EEFSEC: variants seen among roughly 807,000 people sequenced by gnomAD.
The protein encoded by EEFSEC is selenocysteine-specific elongation factor.
In EEFSEC, 43 loss-of-function variants were observed where a neutral mutation model predicts 42.1. The observed-to-expected ratio is 1.02, with a 90% CI of 0.80 to 1.32. The LOEUF (loss-of-function observed/expected upper bound fraction) is 1.32. Ranked by LOEUF, EEFSEC falls within the 40% of genes most tolerant of loss-of-function variation. EEFSEC has a pLI of 0.00. For missense variants in EEFSEC, 745 were observed against 803.6 expected, an observed-to-expected ratio of 0.93 and a Z score of 0.88; for synonymous variants, 354 against 339.1, an observed-to-expected ratio of 1.04 and a Z score of -0.48.
At position 128,408,170 on chromosome 3, in the gene EEFSEC, C is replaced by T. The variant is rs1301762995; in HGVS notation, c.1702C>T (p.Arg568Trp). ...EATRQEESAERSEPSQHVVLS... is the reference protein window; with the variant it reads ...EATRQEESAEWSEPSQHVVLS... ...CACCAGGCAGGAGGAGAGCGCCGAG[C>T]GGAGCGAGCCCTCACAGCATGTGGT... is the stretch of plus-strand genomic sequence containing the variant. The change falls in exon 7 of 7, where the codon CGG becomes TGG. Residue 568 changes from arginine (R) to tryptophan (W), a missense_variant. Physicochemically the swap from Arg to Trp is moderately radical, Grantham distance 101. Transcript: ENST00000254730. 3 of 1,612,770 alleles carry T rather than the reference C, an allele frequency of 1.9e-6. No homozygotes were observed. The highest frequency in any genetic ancestry group is 2.5e-6 in the Non-Finnish European group (3 of 1,179,398).
chr3:128,420,796 T>C, the EEFSEC span, among the ~76,000 whole-genome samples: 2 of 152,002 alleles, frequency 1.3e-5, no homozygotes, highest in African/African-American at 4.8e-5. Context: ...CTCCCTGAGC[T>C]GGGAAATACA....
intron 1 of EEFSEC, among the ~76,000 whole-genome samples, chr3:128,181,799 TTTTC>T (rs1377191543): frequency 6.6e-6 from 1 of 152,142 alleles, no homozygotes; most frequent in Non-Finnish European, 1.5e-5. Flanking sequence ...TTGTTTTTGT[TTTTC>T]TTTGTTTCTT....
At chr3:128,261,625 A>G (rs568641837) in intron 2 of EEFSEC, among the ~76,000 whole-genome samples, 2 of 150,312 alleles carry the variant, frequency 1.3e-5, no homozygotes, top group Non-Finnish European at 2.9e-5. Flanking sequence ...CACACAGAAT[A>G]AGTATGTCTT....
chr3:128,236,916 A>C (rs953947718), intron 1 of EEFSEC, among the ~76,000 whole-genome samples: 3 of 152,194 alleles, frequency 2.0e-5, no homozygotes, highest in African/African-American at 7.2e-5. Context: ...CTGTGTTTTA[A>C]TGTTTGCTTT....
chr3:128,346,370 CTTA>C (rs2067312284), intron 5 of EEFSEC, among the ~76,000 whole-genome samples: 1 of 152,210 alleles, frequency 6.6e-6, no homozygotes, highest in African/African-American at 2.4e-5. Context: ...TGGTTGCAGC[CTTA>C]TTCTTATTTT....
intron 4 of EEFSEC, among the ~76,000 whole-genome samples, chr3:128,276,874 G>A (rs575636624): frequency 6.6e-6 from 1 of 152,304 alleles, no homozygotes; most frequent in South Asian, 2.1e-4. Context: ...AAGAGTGTGG[G>A]AATGCTGGGC....
intron 4 of EEFSEC, among the ~76,000 whole-genome samples, chr3:128,280,293 T>C (rs1000109492): frequency 6.6e-6 from 1 of 152,184 alleles, no homozygotes; most frequent in African/African-American, 2.4e-5. Flanking sequence ...GTCTATTTAA[T>C]TGGTGTTTAA....
At chr3:128,316,436 C>G (rs920120697) in intron 4 of EEFSEC, among the ~76,000 whole-genome samples, 6 of 152,318 alleles carry the variant, frequency 3.9e-5, no homozygotes, top group Non-Finnish European at 7.4e-5. Context: ...CCGCTCTCCC[C>G]CTCTCTTCAC....
intron 4 of EEFSEC, among the ~76,000 whole-genome samples, chr3:128,291,740 T>C (rs2066646204): frequency 6.6e-6 from 1 of 152,246 alleles, no homozygotes; most frequent in Admixed American, 6.5e-5. Flanking sequence ...AGTTATGATA[T>C]CTGGAAATAA....
intron 2 of EEFSEC, among the ~76,000 whole-genome samples, chr3:128,257,841 C>A (rs371734676): frequency 2.0e-5 from 3 of 152,178 alleles, no homozygotes; most frequent in Admixed American, 2.0e-4. Context: ...GCTGTCCCCC[C>A]CCAGCATGGA....
intron 6 of EEFSEC, among the ~76,000 whole-genome samples, chr3:128,403,788 A>G (rs1051050781): frequency 7.2e-5 from 11 of 152,100 alleles, no homozygotes; most frequent in African/African-American, 2.7e-4. Context: ...TGGGTCCAGC[A>G]TTCCTCCTCC....
intron 4 of EEFSEC, among the ~76,000 whole-genome samples, chr3:128,288,099 A>T (rs374532407): frequency 1.2e-4 from 19 of 152,132 alleles, no homozygotes; most frequent in African/African-American, 4.3e-4. Context: ...CCAGTGACGA[A>T]CACTTCTGCT....
intron 1 of EEFSEC, among the ~76,000 whole-genome samples, chr3:128,195,622 C>CCTCT (rs1461720759): frequency 6.6e-6 from 1 of 152,192 alleles, no homozygotes; most frequent in Non-Finnish European, 1.5e-5. Flanking sequence ...TCTCCTCTCT[C>CCTCT]CATAATGGAG....
chr3:128,256,972 T>C (rs1364064062), intron 2 of EEFSEC, among the ~76,000 whole-genome samples: 1 of 152,184 alleles, frequency 6.6e-6, no homozygotes, highest in Non-Finnish European at 1.5e-5. Context: ...ATAGAACTCC[T>C]GGCCTCAAGT....
At position 128,341,871 on chromosome 3, in the gene EEFSEC, G is replaced by A. The variant is rs2107565335; in HGVS notation, c.1425G>A (p.Lys475=). The change falls in exon 5 of 7, where the codon AAG becomes AAA. Residue 475 remains lysine (K), a synonymous_variant. Transcript: ENST00000254730. Reference sequence around the variant, plus strand: ...TGAAGGTGTACAAGCTGAAGCACAAGCATGGCCTTGTGGAGCGGGTGAGCA... The same window carrying A: ...TGAAGGTGTACAAGCTGAAGCACAAACATGGCCTTGTGGAGCGGGTGAGCA... The part of the protein sequence containing the change: ...PRLKVYKLKH[K]HGLVERAMDD... 1 of 1,613,448 alleles carries A rather than the reference G, an allele frequency of 6.2e-7. No homozygotes were observed. Among genetic ancestry groups the A allele is most frequent in the East Asian group, 2.2e-5 (1 of 44,878 alleles).
At chr3:128,266,302 T>C (rs1408457672) in intron 4 of EEFSEC, among the ~76,000 whole-genome samples, 2 of 152,096 alleles carry the variant, frequency 1.3e-5, no homozygotes, top group Admixed American at 6.5e-5. Context: ...GAGAGGGCCA[T>C]GATAGCAGCA....
At chr3:128,377,987 A>G (rs1559948072) in intron 6 of EEFSEC, among the ~76,000 whole-genome samples, 1 of 152,212 alleles carries the variant, frequency 6.6e-6, no homozygotes, top group African/African-American at 2.4e-5. Flanking sequence ...GCCATATCCA[A>G]GTTTCTTTAA....
At chr3:128,265,088 G>A (rs1432976615) in intron 4 of EEFSEC, among the ~76,000 whole-genome samples, 7 of 152,106 alleles carry the variant, frequency 4.6e-5, no homozygotes, top group Non-Finnish European at 8.8e-5. Context: ...TCCAGAAGGT[G>A]AGGTGGGCTT....
At chr3:128,391,542 A>G (rs910404955) in intron 6 of EEFSEC, among the ~76,000 whole-genome samples, 1 of 152,210 alleles carries the variant, frequency 6.6e-6, no homozygotes, top group African/African-American at 2.4e-5. Context: ...GGTGGAGTCC[A>G]GGCATGGCAG....
Sources: gnomAD v4.1 joint callset for allele counts (sites outside exome capture counted in the v4.1 genomes callset) on GRCh38, gnomAD v4.1.1 for gene constraint, MANE v1.5 for transcripts, NCBI Gene and HGNC (gene_info 2026-07-23, HGNC 2026-07-21) for gene names.